The following CACNA2D3 variants were observed in gnomAD, a reference collection of about 807,000 sequenced individuals.
CACNA2D3 encodes the protein calcium voltage-gated channel auxiliary subunit alpha2delta 3, also known as voltage-dependent calcium channel subunit alpha-2/delta-3.
In CACNA2D3, 60 loss-of-function variants were observed where a neutral mutation model predicts 160.6. The observed-to-expected ratio is 0.37, with a 90% CI of 0.30 to 0.46. The LOEUF (loss-of-function observed/expected upper bound fraction) is 0.46. Ranked by LOEUF, CACNA2D3 falls within the 20% of genes least tolerant of loss-of-function variation. The pLI, the probability that CACNA2D3 is intolerant of heterozygous loss-of-function variation, is 1.00. For synonymous variants in CACNA2D3, 558 were observed against 492.9 expected (o/e 1.13, Z -1.75); for missense variants, 1,205 against 1,365.0 (o/e 0.88, Z 1.85).
chr3:55,049,634 C>T (rs905734683), intron 35 of CACNA2D3, among the ~76,000 whole-genome samples: 5 of 148,426 alleles, frequency 3.4e-5, no homozygotes, highest in Non-Finnish European at 5.9e-5. Context: ...TGGTGCAGAG[C>T]TGAGTTCAAT....
At chr3:55,046,113 T>A (rs970494852) in intron 35 of CACNA2D3, among the ~76,000 whole-genome samples, 4 of 151,244 alleles carry the variant, frequency 2.6e-5, no homozygotes, top group South Asian at 4.2e-4. Context: ...TCTTTTTTTT[T>A]ATTATACTTT....
intron 11 of CACNA2D3, among the ~76,000 whole-genome samples, chr3:54,647,531 A>G (rs2106857544): frequency 6.6e-6 from 1 of 152,254 alleles, no homozygotes; most frequent in East Asian, 1.9e-4. Context: ...GTGGTGTCTC[A>G]TCTTCCAAGG....
intron 2 of CACNA2D3, among the ~76,000 whole-genome samples, chr3:54,278,804 G>A (rs1295112903): frequency 2.0e-5 from 3 of 152,032 alleles, no homozygotes; most frequent in African/African-American, 7.2e-5. Flanking sequence ...TGGACACGGG[G>A]AGGGGAACAT....
intron 4 of CACNA2D3, among the ~76,000 whole-genome samples, chr3:54,422,825 C>A (rs1332919430): frequency 6.6e-6 from 1 of 152,068 alleles, no homozygotes; most frequent in Non-Finnish European, 1.5e-5. Flanking sequence ...AATCTGCCTA[C>A]AGAAACACTA....
At chr3:54,782,897 A>G (rs1157290576) in intron 13 of CACNA2D3, among the ~76,000 whole-genome samples, 1 of 152,184 alleles carries the variant, frequency 6.6e-6, no homozygotes, top group African/African-American at 2.4e-5. Context: ...CACAGCAAGA[A>G]TAACTGGGGT....
At chr3:54,232,976 G>C (rs1701803985) in intron 2 of CACNA2D3, among the ~76,000 whole-genome samples, 1 of 152,158 alleles carries the variant, frequency 6.6e-6, no homozygotes, top group Non-Finnish European at 1.5e-5. Flanking sequence ...CTACTGCGGA[G>C]ACACCAGCCA....
At chr3:54,712,855 G>A (rs1015282319) in intron 11 of CACNA2D3, among the ~76,000 whole-genome samples, 2 of 152,174 alleles carry the variant, frequency 1.3e-5, no homozygotes, top group Admixed American at 6.5e-5. Context: ...CAACCCTGTG[G>A]TTGCATTGGT....
intron 11 of CACNA2D3, among the ~76,000 whole-genome samples, chr3:54,680,421 A>T (rs1037064083): frequency 6.6e-6 from 1 of 152,140 alleles, no homozygotes; most frequent in Non-Finnish European, 1.5e-5. Flanking sequence ...TTGAATTTTT[A>T]TGTAGCTTTC....
At chr3:54,611,105 G>T (rs1343023545) in intron 9 of CACNA2D3, among the ~76,000 whole-genome samples, 1 of 152,240 alleles carries the variant, frequency 6.6e-6, no homozygotes, top group Non-Finnish European at 1.5e-5. Context: ...GAGGGACTCA[G>T]CCAAGCCTCG....
At chr3:54,649,321 G>C (rs1484923005) in intron 11 of CACNA2D3, among the ~76,000 whole-genome samples, 2 of 152,166 alleles carry the variant, frequency 1.3e-5, no homozygotes, top group African/African-American at 4.8e-5. Context: ...CCTTGAACCT[G>C]GTTTTGGTGG....
chr3:55,007,729 A>G (rs1703127704), intron 32 of CACNA2D3, 61 bp from the exon 33 acceptor site: 1 of 1,088,396 alleles, frequency 9.2e-7, no homozygotes, highest in Non-Finnish European at 1.3e-6. Context: ...AAAGCCCTAA[A>G]TTAAGCTACA....
At position 54,380,070 on chromosome 3, in the gene CACNA2D3, G is replaced by A. The variant is rs550459902; in HGVS notation, c.322-6645G>A. On this transcript the variant is annotated intron_variant, in intron 3 of 37. Coordinates refer to ENST00000474759, the MANE Select transcript of CACNA2D3 (RefSeq NM_018398.3). ...AAGGAATCTCAACACCAGAAGGAAT[G>A]AAAATGTAAATCTGAACAACTTACT... Among the ~76,000 whole-genome samples the A allele has an allele frequency of 2.6e-5, 4 of 152,298 alleles. No individual in the cohort carries two copies. In the South Asian group the frequency reaches 6.2e-4, roughly 24 times the overall value.
rs551859556 is a variant in CACNA2D3, at chr3:54,646,028, C to T, written c.1167+3787C>T. On this transcript the variant is annotated intron_variant, in intron 11 of 37. Transcript: ENST00000474759. ...GGCTTGCTTTTAACCAATGGAATCT[C>T]GTATAGGTGAAGGGTTTTGTTTCAA... Among the ~76,000 whole-genome samples, 50 of 152,016 alleles carry T rather than the reference C, an allele frequency of 3.3e-4. No individual in the cohort carries two copies. In the South Asian group the frequency reaches 5.0e-3, roughly 15 times the overall value.
chr3:54,986,711 C>A (rs1318301990), intron 30 of CACNA2D3, among the ~76,000 whole-genome samples: 1 of 152,124 alleles, frequency 6.6e-6, no homozygotes, highest in Non-Finnish European at 1.5e-5. Flanking sequence ...AATTTGGATT[C>A]TTATTGCAGT....
chr3:54,886,473 C>G (rs1699928156), intron 23 of CACNA2D3, among the ~76,000 whole-genome samples: 1 of 152,082 alleles, frequency 6.6e-6, no homozygotes, highest in Admixed American at 6.5e-5. Flanking sequence ...AGTCACCATC[C>G]AGCTTTATGC....
intron 21 of CACNA2D3, among the ~76,000 whole-genome samples, chr3:54,881,845 G>C (rs1374235382): frequency 3.9e-5 from 6 of 152,250 alleles, no homozygotes; most frequent in Admixed American, 3.9e-4. Flanking sequence ...GCCCTCAGAT[G>C]ATGCCACAGG....
intron 14 of CACNA2D3, among the ~76,000 whole-genome samples, chr3:54,824,828 C>T (rs1407147575): frequency 6.6e-6 from 1 of 152,126 alleles, no homozygotes; most frequent in African/African-American, 2.4e-5. Context: ...ATAATGCTAG[C>T]AGCATTATAC....
chr3:54,229,586 CG>C (rs1701734395), intron 2 of CACNA2D3, among the ~76,000 whole-genome samples: 1 of 152,140 alleles, frequency 6.6e-6, no homozygotes, highest in South Asian at 2.1e-4. Context: ...CCTCTCACCT[CG>C]GCCTCCGAAA....
chr3:54,926,823 G>C (rs1480046007), intron 27 of CACNA2D3, among the ~76,000 whole-genome samples: 1 of 152,118 alleles, frequency 6.6e-6, no homozygotes, highest in Non-Finnish European at 1.5e-5. Context: ...TCCTTGTTCA[G>C]ACTGCCTTGG....
Sources: gnomAD v4.1 joint callset for allele counts (sites outside exome capture counted in the v4.1 genomes callset) on GRCh38, gnomAD v4.1.1 for gene constraint, MANE v1.5 for transcripts, NCBI Gene and HGNC (gene_info 2026-07-23, HGNC 2026-07-21) for gene names.